Variants in ZNF473 observed in about 807,000 individuals in gnomAD.
The protein encoded by ZNF473 is zinc finger protein 100 homolog.
In ZNF473, 4 loss-of-function variants were observed where a neutral mutation model predicts 11.1. The ratio of observed to expected loss-of-function variants is 0.36; its 90% CI spans 0.18 to 0.82. The LOEUF is 0.82. ZNF473 is among the 40% of genes least tolerant of loss of function. The probability of loss-of-function intolerance (pLI) is 0.49; values close to 1 mark genes in which losing one functional copy is unlikely to be tolerated. For missense variants in ZNF473, 854 were observed against 1,084.0 expected, an observed-to-expected ratio of 0.79 and a Z score of 2.98; for synonymous variants, 404 against 390.4, an observed-to-expected ratio of 1.03 and a Z score of -0.41.
At chr19:50,030,866 A>G (rs1568833251) in intron 1 of ZNF473, 26 bp from the exon 2 acceptor site, 2 of 641,434 alleles carry the variant, frequency 3.1e-6, no homozygotes, top group East Asian at 5.6e-5. Context: ...GGCTTCAGTA[A>G]ATATAGTTGT....
intron 1 of ZNF473, among the ~76,000 whole-genome samples, chr19:50,027,208 TA>T (rs1312553632): frequency 6.6e-6 from 1 of 152,172 alleles, no homozygotes; most frequent in Non-Finnish European, 1.5e-5. Context: ...TTTTTGGTCA[TA>T]AAATGTTTCT....
At position 50,047,096 on chromosome 19, in the gene ZNF473, G is replaced by A. The variant is rs778499294; in HGVS notation, c.*37G>A. On this transcript the variant is annotated 3_prime_UTR_variant, in exon 5 of 5. Coordinates refer to ENST00000270617, the MANE Select transcript of ZNF473 (RefSeq NM_015428.4). The stretch of plus-strand genomic sequence containing the variant: ...CAGCAGAGTCCCAGAATATGAGACC[G>A]TTACTCGGATGTTGAAAGTTGGAAA... The A allele has an allele frequency of 7.8e-6, 12 of 1,529,746 alleles. No individual in the cohort carries two copies. The highest frequency in any genetic ancestry group is 1.9e-5 in the Admixed American group (1 of 53,514). 94.8% of individuals were successfully genotyped at this position (1,529,746 alleles called of 1,614,324 possible).
rs1978636047 is a variant in ZNF473 at position 50,039,202 on chromosome 19, G to A, written c.51G>A (p.Leu17=). The change falls in exon 3 of 5, where the codon TTG becomes TTA. Residue 17 remains leucine, a synonymous_variant. Coordinates refer to ENST00000270617, the MANE Select transcript of ZNF473 (RefSeq NM_015428.4). This position sits in a 1 kb window ranked among gnomAD's most constrained non-coding sequence, Gnocchi z 4.8. ...AGGATGTCGGCATGGACTTCACCTT[G>A]GGAGACTGGGAGCAGCTCGGGCTGG... is the stretch of plus-strand genomic sequence containing the variant. ...TLKDVGMDFT[L]GDWEQLGLEQ... The A allele has an allele frequency of 6.2e-7, 1 of 1,614,150 alleles. No homozygotes were observed. Among genetic ancestry groups the A allele is most frequent in the East Asian group, 2.2e-5 (1 of 44,872 alleles).
chr19:50,044,657 C>A lies in ZNF473; in HGVS notation c.227-13C>A, dbSNP rs747991867. On this transcript the variant is annotated splice_polypyrimidine_tract_variant and intron_variant, in intron 4 of 4. Coordinates refer to ENST00000270617, the MANE Select transcript of ZNF473 (RefSeq NM_015428.4). ...CCTTAGTGAACAGGAGACATTTGCA[C>A]TTGCTCTTTCAGATGTGACTGAGAC... 6.3e-7 allele frequency: 1 copy of A among 1,591,182 alleles called. No homozygotes were observed. The highest frequency in any genetic ancestry group is 1.1e-5 in the South Asian group (1 of 88,118).
intron 1 of ZNF473, among the ~76,000 whole-genome samples, chr19:50,027,074 G>A (rs1430969302): frequency 6.6e-6 from 1 of 152,162 alleles, no homozygotes; most frequent in Non-Finnish European, 1.5e-5. Flanking sequence ...TGAGACATAA[G>A]TGCAGGTCCC....
At chr19:50,027,143 G>A (rs929736522) in intron 1 of ZNF473, among the ~76,000 whole-genome samples, 1 of 152,010 alleles carries the variant, frequency 6.6e-6, no homozygotes, top group African/African-American at 2.4e-5. Flanking sequence ...AGCTAATAGG[G>A]TGCATATTTT....
At position 50,046,473 on chromosome 19, in the gene ZNF473, G is replaced by A. The variant is rs778632508; in HGVS notation, c.2030G>A (p.Ser677Asn). 6.2e-7 allele frequency: 1 copy of A among 1,614,210 alleles called. No homozygotes were observed. Among genetic ancestry groups the A allele is most frequent in the South Asian group, 1.1e-5 (1 of 91,082 alleles). ...IHAGENPFKCSKCDRVFTQRN... is the reference protein window; with the variant it reads ...IHAGENPFKCNKCDRVFTQRN... The stretch of plus-strand genomic sequence containing the variant: ...GCTGGAGAGAATCCCTTTAAATGTA[G>A]TAAGTGTGACAGAGTCTTCACCCAG... Residue 677 changes from serine (S) to asparagine (N), a missense_variant, in exon 5 of 5, where the codon AGT (serine) becomes AAT (asparagine). Coordinates refer to ENST00000270617, the MANE Select transcript of ZNF473 (RefSeq NM_015428.4). This position sits in a 1 kb window ranked among gnomAD's most constrained non-coding sequence, Gnocchi z 5.9.
chr19:50,037,066 C>G (rs1446033465), intron 2 of ZNF473, among the ~76,000 whole-genome samples: 1 of 152,166 alleles, frequency 6.6e-6, no homozygotes, highest in Non-Finnish European at 1.5e-5. Flanking sequence ...TGCCGGCATG[C>G]AGAAAGCTGT....
intron 1 of ZNF473, among the ~76,000 whole-genome samples, chr19:50,028,629 G>A (rs1033332020): frequency 6.6e-6 from 1 of 152,080 alleles, no homozygotes; most frequent in African/African-American, 2.4e-5. Context: ...AGCACTGGTG[G>A]GGGAGCTTTA....
At position 50,045,629 on chromosome 19, in the gene ZNF473, C is replaced by T; in HGVS notation, c.1186C>T (p.Leu396Phe). 1.9e-6 allele frequency: 3 copies of T among 1,614,102 alleles called. No individual in the cohort carries two copies. The highest frequency in any genetic ancestry group is 2.5e-6 in the Non-Finnish European group (3 of 1,180,024). Reference protein sequence around the residue: ...HSSLLIEHQALHAGEEPYKCN... With the variant: ...HSSLLIEHQAFHAGEEPYKCN... ...TTCGCTGCTCATTGAACACCAGGCT[C>T]TTCATGCTGGAGAGGAGCCTTATAA... is the stretch of plus-strand genomic sequence containing the variant. The change falls in exon 5 of 5, where the codon CTT becomes TTT. Residue 396 changes from leucine (L) to phenylalanine (F), a missense_variant. Transcript: ENST00000270617.
chr19:50,045,803 A>G lies in ZNF473; in HGVS notation c.1360A>G (p.Thr454Ala), dbSNP rs185637049. The G allele has an allele frequency of 3.7e-6, 6 of 1,614,146 alleles. No individual in the cohort carries two copies. The highest frequency in any genetic ancestry group is 3.3e-4 in the Middle Eastern group (2 of 6,062). Reference protein sequence around the residue: ...THLNEHRRIHTGYRPHKCQEC... With the variant: ...THLNEHRRIHAGYRPHKCQEC... Reference sequence around the variant, plus strand: ...CCTTAATGAACATCGGCGAATTCATACAGGCTACAGACCCCACAAATGTCA... The same window carrying G: ...CCTTAATGAACATCGGCGAATTCATGCAGGCTACAGACCCCACAAATGTCA... Residue 454 changes from threonine to alanine, a missense_variant, in exon 5 of 5, where the codon ACA becomes GCA. This residue lies in a region of ZNF473 where 668 missense variants were observed against 790.2 expected (regional missense o/e 0.85). Coordinates refer to ENST00000270617, the MANE Select transcript of ZNF473 (RefSeq NM_015428.4).
At position 50,047,697 on chromosome 19, in the gene ZNF473, C is replaced by T. The variant is rs1408414753; in HGVS notation, c.*638C>T. The T allele has an allele frequency of 6.6e-6, 1 of 152,418 alleles. No homozygotes were observed. The highest frequency in any genetic ancestry group is 2.4e-5 in the African/African-American group (1 of 41,414). 9.4% of individuals were successfully genotyped at this position (152,418 alleles called of 1,614,324 possible). ...CAGAAAGCCAAAAAGAACATGTAAA[C>T]TCTTCACCTCAACTAGCTACAACCT... On this transcript the variant is annotated 3_prime_UTR_variant, in exon 5 of 5. Coordinates refer to ENST00000270617, the MANE Select transcript of ZNF473 (RefSeq NM_015428.4).
Position 50,045,369 on chromosome 19 carries a change from A to T in ZNF473, c.926A>T (p.Glu309Val). Residue 309 changes from glutamate to valine, a missense_variant, in exon 5 of 5, where the codon GAG (glutamate) becomes GTG (valine). Glu to Val is a moderately radical substitution (Grantham distance 121). Coordinates refer to ENST00000270617, the MANE Select transcript of ZNF473 (RefSeq NM_015428.4). ...HPPSHDTQPG[E>V]HQKTHTDSKS... Reference sequence around the variant, plus strand: ...CCCAGTCATGACACACAGCCTGGTGAGCATCAGAAAACTCACACAGATAGT... The same window carrying T: ...CCCAGTCATGACACACAGCCTGGTGTGCATCAGAAAACTCACACAGATAGT... The T allele has an allele frequency of 6.2e-7, 1 of 1,614,110 alleles. No homozygotes were observed.
intron 1 of ZNF473, among the ~76,000 whole-genome samples, chr19:50,028,240 G>A (rs1419827184): frequency 6.6e-6 from 1 of 151,324 alleles, no homozygotes; most frequent in East Asian, 2.0e-4. Context: ...AGAGCTTGCA[G>A]CGAGCTGAGA....
intron 2 of ZNF473, among the ~76,000 whole-genome samples, chr19:50,037,462 G>T (rs2122825818): frequency 6.6e-6 from 1 of 152,260 alleles, no homozygotes; most frequent in Non-Finnish European, 1.5e-5. Flanking sequence ...GAGATGGGGT[G>T]TGTGGGGGCA....
chr19:50,035,285 T>C (rs977742733), intron 2 of ZNF473, among the ~76,000 whole-genome samples: 5 of 151,764 alleles, frequency 3.3e-5, no homozygotes, highest in African/African-American at 1.2e-4. Context: ...AGTGAGACCC[T>C]ATCTCAAAAA....
chr19:50,031,129 C>T, intron 2 of ZNF473, 38 bp downstream of exon 2: 3 of 1,559,978 alleles, frequency 1.9e-6, no homozygotes, highest in Non-Finnish European at 2.6e-6. Flanking sequence ...CGGTCACACC[C>T]AAAGGCAGAA....
At chr19:50,041,905 A>G (rs1430116529) in intron 4 of ZNF473, 86 bp downstream of exon 4, 2 of 1,088,222 alleles carry the variant, frequency 1.8e-6, no homozygotes, top group Non-Finnish European at 1.3e-6. Flanking sequence ...CCACAGGTCT[A>G]CCGAGACATT....
intron 1 of ZNF473, among the ~76,000 whole-genome samples, chr19:50,027,731 C>T (rs575353114): frequency 3.3e-5 from 5 of 151,980 alleles, no homozygotes; most frequent in South Asian, 4.2e-4. Flanking sequence ...GACAGAGTCT[C>T]GCTCTGTCAC....
Sources: gnomAD v4.1 joint callset for allele counts (sites outside exome capture counted in the v4.1 genomes callset) on GRCh38, gnomAD v4.1.1 for gene constraint, gnomAD v4.1.1 regional missense constraint, Gnocchi (gnomAD v3.1) non-coding constraint, MANE v1.5 for transcripts, NCBI Gene and HGNC (gene_info 2026-07-23, HGNC 2026-07-21) for gene names.